Variants in AP3S1 observed in about 807,000 individuals in gnomAD.
AP3S1 encodes the protein AP-3 complex subunit sigma-1.
A neutral mutation model predicts 21.3 loss-of-function variants in AP3S1; 12 were observed. The observed-to-expected ratio is 0.56, with a 90% CI of 0.36 to 0.91. The LOEUF (loss-of-function observed/expected upper bound fraction) is 0.91. Ranked by LOEUF, AP3S1 falls within the 40% of genes least tolerant of loss-of-function variation. The pLI, the probability that AP3S1 is intolerant of heterozygous loss-of-function variation, is 0.01. For synonymous variants in AP3S1, 48 were observed against 78.4 expected (o/e 0.61, Z 2.05); for missense variants, 116 against 225.0 (o/e 0.52, Z 3.10).
At chr5:115,855,566 C>T (rs186080524) in intron 1 of AP3S1, among the ~76,000 whole-genome samples, 105 of 152,284 alleles carry the variant, frequency 6.9e-4, no homozygotes, top group Admixed American at 2.7e-3. Flanking sequence ...TCTGGAACTC[C>T]TGGCTTCAGG....
intron 3 of AP3S1, among the ~76,000 whole-genome samples, chr5:115,873,871 A>C (rs1748484951): frequency 6.6e-6 from 1 of 152,134 alleles, no homozygotes; most frequent in Admixed American, 6.5e-5. Context: ...AAGAAAACTC[A>C]ATATGTAACT....
chr5:115,888,223 G>A lies in AP3S1; in HGVS notation c.274-6864G>A, dbSNP rs140166481. Among the ~76,000 whole-genome samples, 1,365 of 152,126 alleles carry A rather than the reference G, an allele frequency of 9.0e-3. 5 individuals are homozygous for A. Among genetic ancestry groups the A allele is most frequent in the African/African-American group, 0.015 (634 of 41,506 alleles). On this transcript the variant is annotated intron_variant, in intron 3 of 5. Transcript: ENST00000316788. Reference sequence around the variant, plus strand: ...TAAAGTTGAAGCACAAGAGGGTGCTGTTTACTATGATACTTCTAGGTCTTA... The same window carrying A: ...TAAAGTTGAAGCACAAGAGGGTGCTATTTACTATGATACTTCTAGGTCTTA...
intron 3 of AP3S1, among the ~76,000 whole-genome samples, chr5:115,882,450 A>T (rs1443705158): frequency 6.6e-6 from 1 of 152,166 alleles, no homozygotes; most frequent in Non-Finnish European, 1.5e-5. Context: ...TCCTTCTAAC[A>T]GGCCCCTCTG....
intron 5 of AP3S1, chr5:115,904,188 A>G (rs1220302382): frequency 6.6e-6 from 1 of 152,148 alleles, no homozygotes; most frequent in African/African-American, 2.4e-5. Flanking sequence ...GAAAAAACAG[A>G]CTTTATTTTT....
At chr5:115,867,329 T>C (rs1438077152) in intron 2 of AP3S1, among the ~76,000 whole-genome samples, 1 of 152,198 alleles carries the variant, frequency 6.6e-6, no homozygotes, top group East Asian at 1.9e-4. Context: ...TATTTTACTG[T>C]TACAAGACTG....
At chr5:115,860,923 C>G (rs1404941008) in intron 1 of AP3S1, among the ~76,000 whole-genome samples, 3 of 152,000 alleles carry the variant, frequency 2.0e-5, no homozygotes, top group African/African-American at 7.3e-5. Flanking sequence ...GTAAGGTAAC[C>G]CAGATTTTGG....
intron 3 of AP3S1, among the ~76,000 whole-genome samples, chr5:115,875,571 A>G (rs548146695): frequency 6.6e-6 from 1 of 152,002 alleles, no homozygotes; most frequent in East Asian, 1.9e-4. Context: ...GGAATTTGCA[A>G]CTCTCCTGTT....
chr5:115,889,217 C>T (rs1019145618), intron 3 of AP3S1, among the ~76,000 whole-genome samples: 1 of 152,044 alleles, frequency 6.6e-6, no homozygotes, highest in Non-Finnish European at 1.5e-5. Context: ...ACTATTTAGA[C>T]AGCATTTTTA....
chr5:115,901,530 T>C (rs980008467), intron 4 of AP3S1, among the ~76,000 whole-genome samples: 12 of 151,630 alleles, frequency 7.9e-5, no homozygotes, highest in African/African-American at 2.9e-4. Flanking sequence ...GCTTCCAAAA[T>C]GAAAAATAGT....
chr5:115,911,738 A>C (rs573709950), intron 5 of AP3S1, among the ~76,000 whole-genome samples: 443 of 151,804 alleles, frequency 2.9e-3, no homozygotes, highest in African/African-American at 0.01. Flanking sequence ...AATATTATAC[A>C]TGCTGCCTTA....
At chr5:115,904,073 A>T (rs969608622) in intron 5 of AP3S1, 32 of 151,894 alleles carry the variant, frequency 2.1e-4, no homozygotes, top group African/African-American at 7.3e-4. Flanking sequence ...GTAAAACTTC[A>T]TCTCAAAAAA....
chr5:115,853,139 A>G (rs150115200), intron 1 of AP3S1: 2 of 356,752 alleles, frequency 5.6e-6, no homozygotes, highest in East Asian at 7.9e-5. Flanking sequence ...AACTCTTGTT[A>G]TTGTTGGTTA....
intron 3 of AP3S1, among the ~76,000 whole-genome samples, chr5:115,883,243 C>T (rs1263650329): frequency 6.6e-6 from 1 of 152,182 alleles, no homozygotes; most frequent in African/African-American, 2.4e-5. Flanking sequence ...CCAGGTGCCT[C>T]TAGGGTATGA....
At chr5:115,895,315 A>G (rs1750662037) in intron 4 of AP3S1, among the ~76,000 whole-genome samples, 157 bp downstream of exon 4, 1 of 152,074 alleles carries the variant, frequency 6.6e-6, no homozygotes, top group African/African-American at 2.4e-5. Context: ...TGCTTGGTGG[A>G]GAAGATTCAG....
chr5:115,878,919 T>C (rs1214781182), intron 3 of AP3S1, among the ~76,000 whole-genome samples: 2 of 152,114 alleles, frequency 1.3e-5, no homozygotes, highest in African/African-American at 4.8e-5. Context: ...TCACATCCCT[T>C]GTAAGTTGTA....
At chr5:115,865,773 T>G (rs1472770644) in intron 1 of AP3S1, among the ~76,000 whole-genome samples, 2 of 152,166 alleles carry the variant, frequency 1.3e-5, no homozygotes, top group Non-Finnish European at 2.9e-5. Context: ...TTGGTCAGTC[T>G]TCTATTGCAG....
chr5:115,895,202 T>G (rs762649331), intron 4 of AP3S1, 44 bp downstream of exon 4: 99 of 1,330,194 alleles, frequency 7.4e-5, no homozygotes, highest in Non-Finnish European at 5.2e-6. Context: ...AGAAAAACAT[T>G]AACTTATAAT....
chr5:115,897,873 T>A (rs1362108121), intron 4 of AP3S1, among the ~76,000 whole-genome samples: 1 of 152,098 alleles, frequency 6.6e-6, no homozygotes, highest in Non-Finnish European at 1.5e-5. Flanking sequence ...CAGCTCACAT[T>A]TTCTTAAAGG....
At chr5:115,842,447 G>A (rs956574420) in intron 1 of AP3S1, 3 of 220,812 alleles carry the variant, frequency 1.4e-5, no homozygotes, top group Non-Finnish European at 2.7e-5. Flanking sequence ...GGAGCCCTGC[G>A]CCCAGTCCCC....
Sources: allele counts gnomAD v4.1 joint callset (sites outside exome capture counted in the v4.1 genomes callset), GRCh38; gene constraint gnomAD v4.1.1; transcripts MANE v1.5; gene names NCBI Gene and HGNC (gene_info 2026-07-23, HGNC 2026-07-21).